Variants in MID1 observed in about 807,000 individuals in gnomAD.
MID1 encodes midline 1.
In MID1, 7 loss-of-function variants were observed where a neutral mutation model predicts 40.4. That is an observed-to-expected ratio of 0.17 (90% confidence interval 0.10 to 0.33). The LOEUF (loss-of-function observed/expected upper bound fraction) is 0.33, where lower values mean the gene tolerates loss of function less well. MID1 is among the 10% of genes least tolerant of loss of function. The probability of loss-of-function intolerance (pLI) is 1.00; values close to 1 mark genes in which losing one functional copy is unlikely to be tolerated. For synonymous variants in MID1, 229 were observed against 221.2 expected (o/e 1.04, Z -0.31); for missense variants, 367 against 558.5 (o/e 0.66, Z 3.46).
At chrX:10,824,825 T>C (rs765579251) in intron 1 of MID1, among the ~76,000 whole-genome samples, 1 of 110,782 alleles carries the variant, frequency 9.0e-6, no homozygotes, top group South Asian at 3.9e-4. Context: ...ATCCCTCCCA[T>C]ACACCCAAAT....
intron 1 of MID1, among the ~76,000 whole-genome samples, chrX:10,827,471 CAGAGAGAGAG>C (rs58413595): frequency 8.2e-5 from 7 of 85,129 alleles, no homozygotes; most frequent in African/African-American, 2.7e-4. Flanking sequence ...GCCCACCAGC[CAGAGAGAGAG>C]AGAGAGAGAG....
intron 1 of MID1, among the ~76,000 whole-genome samples, chrX:10,631,361 G>A (rs766938138): frequency 4.5e-5 from 5 of 111,627 alleles, no homozygotes; most frequent in Non-Finnish European, 5.6e-5. Context: ...CACCCTATGA[G>A]AAAAGGTACT....
At chrX:10,606,279 T>C (rs1358807328) in intron 1 of MID1, among the ~76,000 whole-genome samples, 1 of 111,070 alleles carries the variant, frequency 9.0e-6, no homozygotes, top group Non-Finnish European at 1.9e-5. Context: ...ATTTTAATTC[T>C]AAAGTAGAAA....
At chrX:10,585,789 C>G (rs1187281597) in intron 1 of MID1, among the ~76,000 whole-genome samples, 3 of 111,095 alleles carry the variant, frequency 2.7e-5, no homozygotes, top group Non-Finnish European at 5.7e-5. Context: ...TTTATTTTTA[C>G]ACAGTCTTAA....
chrX:10,811,322 T>G (rs1163447076), intron 1 of MID1, among the ~76,000 whole-genome samples: 2 of 112,443 alleles, frequency 1.8e-5, no homozygotes, highest in Non-Finnish European at 3.8e-5. Flanking sequence ...TTCTGCTTTT[T>G]TAACCATCAC....
At chrX:10,753,555 A>G (rs1385230772) in intron 1 of MID1, among the ~76,000 whole-genome samples, 1 of 109,328 alleles carries the variant, frequency 9.1e-6, no homozygotes, top group Non-Finnish European at 1.9e-5. Context: ...AGACACATCC[A>G]GTGCACACTT....
chrX:10,572,104 ACT>A (rs59928523), intron 1 of MID1, among the ~76,000 whole-genome samples: 11,197 of 69,863 alleles, frequency 0.16, 1,308 homozygotes, highest in African/African-American at 0.4. Context: ...CTTTCTTTTC[ACT>A]CTCTCTCTCT....
intron 3 of MID1, among the ~76,000 whole-genome samples, chrX:10,513,717 C>T (rs1020439721): frequency 7.2e-5 from 8 of 111,393 alleles, no homozygotes; most frequent in South Asian, 3.8e-4. Flanking sequence ...CCATGTTGGC[C>T]GGGCTGGTCT....
chrX:10,729,855 C>T (rs780853586), intron 1 of MID1, among the ~76,000 whole-genome samples: 58 of 111,137 alleles, frequency 5.2e-4, no homozygotes, highest in African/African-American at 1.7e-3. Context: ...GAGGCTGAGG[C>T]GGGCGGATCA....
At chrX:10,577,827 G>GAA (rs59954286) in intron 1 of MID1, among the ~76,000 whole-genome samples, 1 of 50,641 alleles carries the variant, frequency 2.0e-5, no homozygotes, top group Non-Finnish European at 4.0e-5. Context: ...CTTCCTAAAA[G>GAA]AAAAAAAAAA....
At chrX:10,590,929 A>G in intron 1 of MID1, among the ~76,000 whole-genome samples, 2 of 112,170 alleles carry the variant, frequency 1.8e-5, no homozygotes, top group Non-Finnish European at 3.8e-5. Context: ...TAAAGGAAAA[A>G]AGTTTCATTT....
chrX:10,705,982 T>G (rs2043228697), intron 1 of MID1, among the ~76,000 whole-genome samples: 1 of 110,989 alleles, frequency 9.0e-6, no homozygotes, highest in Non-Finnish European at 1.9e-5. Flanking sequence ...TAGTCCAGGG[T>G]TTTTCAACTT....
intron 9 of MID1, among the ~76,000 whole-genome samples, chrX:10,450,352 A>T (rs898727225): frequency 4.4e-5 from 5 of 112,536 alleles, no homozygotes; most frequent in African/African-American, 1.3e-4. Context: ...CAAGCACAGA[A>T]GATGATTCCC....
intron 1 of MID1, among the ~76,000 whole-genome samples, chrX:10,674,384 G>T (rs1200571789): frequency 8.9e-6 from 1 of 112,482 alleles, no homozygotes; most frequent in Non-Finnish European, 1.9e-5. Flanking sequence ...GCACGAGTTG[G>T]TCTTTCCCTT....
At chrX:10,757,103 C>A (rs953680881) in intron 1 of MID1, among the ~76,000 whole-genome samples, 2 of 111,613 alleles carry the variant, frequency 1.8e-5, no homozygotes, top group African/African-American at 6.5e-5. Context: ...GGAGGGCTTG[C>A]CAAAACAGAT....
chrX:10,688,184 T>A (rs1253147590), intron 1 of MID1, among the ~76,000 whole-genome samples: 4 of 112,066 alleles, frequency 3.6e-5, no homozygotes, highest in African/African-American at 1.3e-4. Context: ...ATCTCTTTTA[T>A]TAGGAGAAAG....
intron 1 of MID1, among the ~76,000 whole-genome samples, chrX:10,577,772 T>TAATTTAAAAG (rs1233106523): frequency 1.1e-5 from 1 of 88,239 alleles, no homozygotes; most frequent in African/African-American, 6.1e-5. Context: ...TGGAAAGAAG[T>TAATTTAAAAG]AATCTTTTAA....
At chrX:10,637,913 G>A (rs6654743) in intron 1 of MID1, among the ~76,000 whole-genome samples, 2,047 of 112,063 alleles carry the variant, frequency 0.018, 44 homozygotes, top group African/African-American at 0.06. Flanking sequence ...GGAACTCTCT[G>A]TACTACCTTT....
At chrX:10,629,020 T>C (rs904727432) in intron 1 of MID1, among the ~76,000 whole-genome samples, 3 of 111,186 alleles carry the variant, frequency 2.7e-5, no homozygotes, top group Admixed American at 9.5e-5. Flanking sequence ...AAATGCAGTA[T>C]GCCCATGACT....
Sources: allele counts gnomAD v4.1 joint callset (sites outside exome capture counted in the v4.1 genomes callset), GRCh38; gene constraint gnomAD v4.1.1; transcripts MANE v1.5; gene names NCBI Gene and HGNC (gene_info 2026-07-23, HGNC 2026-07-21).